Variants in AMPH observed in about 807,000 individuals in gnomAD.
AMPH encodes amphiphysin, also known as amphiphysin (Stiff-Mann syndrome with breast cancer 128kD autoantigen).
Under a neutral mutation model 99.1 loss-of-function variants are expected in AMPH, and 49 were observed. That is an observed-to-expected ratio of 0.49 (90% CI 0.39 to 0.63). AMPH has a LOEUF of 0.63. AMPH is among the 20% of genes least tolerant of loss of function. AMPH has a pLI of 0.00. For synonymous variants in AMPH, 314 were observed against 317.3 expected (o/e 0.99, Z 0.11); for missense variants, 759 against 863.4 (o/e 0.88, Z 1.52).
At chr7:38,610,485 A>T (rs1793645674) in intron 1 of AMPH, among the ~76,000 whole-genome samples, 1 of 151,762 alleles carries the variant, frequency 6.6e-6, no homozygotes, top group Non-Finnish European at 1.5e-5. Context: ...AATTTTGTTG[A>T]CATTTTATTC....
chr7:38,491,154 A>G lies in AMPH; in HGVS notation c.301-9T>C. 6.3e-7 allele frequency: 1 copy of G among 1,587,918 alleles called. No homozygotes were observed. Among genetic ancestry groups the G allele is most frequent in the Non-Finnish European group, 8.6e-7 (1 of 1,157,158 alleles). On this transcript the variant is annotated splice_polypyrimidine_tract_variant and intron_variant, in intron 4 of 20. Coordinates refer to ENST00000356264, the MANE Select transcript of AMPH (RefSeq NM_001635.4). ...CACAGCACATCACATTTCTAAAAGA[A>G]ATAAAGAGACCACTGCTGAATTATT...
chr7:38,626,583 A>AT (rs1457204445), intron 1 of AMPH, among the ~76,000 whole-genome samples: 2 of 152,230 alleles, frequency 1.3e-5, no homozygotes, highest in Non-Finnish European at 2.9e-5. Flanking sequence ...ACCTAAAACC[A>AT]TAAAAACCTT....
At chr7:38,477,093 G>T in intron 5 of AMPH, 124 bp from the exon 6 acceptor site, 1 of 721,872 alleles carries the variant, frequency 1.4e-6, no homozygotes, top group Non-Finnish European at 2.4e-6. Flanking sequence ...AGATCAAGAT[G>T]GGCTGGAGTT....
chr7:38,394,143 C>G lies in AMPH; in HGVS notation c.1470G>C (p.Glu490Asp). ...CAGTGGCCTTCTCCGCCTCTGCTTC[C>G]TCTCCTGGGGCCCCCTCAGCTGCTG... is the stretch of plus-strand genomic sequence containing the variant. ...LVSAAEGAPG[E>D]EAEAEKATVP... Residue 490 changes from glutamate to aspartate, a missense_variant, in exon 18 of 21, where the codon GAG (glutamate) becomes GAC (aspartate). Around this residue, in one of 2 missense-constraint regions of AMPH, gnomAD observed 554 missense variants for 575.6 expected, o/e 0.96. Transcript: ENST00000356264. 6.2e-7 allele frequency: 1 copy of G among 1,614,208 alleles called. No homozygotes were observed. Among genetic ancestry groups the G allele is most frequent in the Non-Finnish European group, 8.5e-7 (1 of 1,180,034 alleles).
At chr7:38,625,448 A>G (rs1277738959) in intron 1 of AMPH, among the ~76,000 whole-genome samples, 5 of 152,220 alleles carry the variant, frequency 3.3e-5, no homozygotes, top group Non-Finnish European at 7.3e-5. Flanking sequence ...AAAAAGCTGC[A>G]TGAAAAACTT....
At chr7:38,519,760 T>G (rs1789881740) in intron 2 of AMPH, among the ~76,000 whole-genome samples, 1 of 152,134 alleles carries the variant, frequency 6.6e-6, no homozygotes, top group African/African-American at 2.4e-5. Context: ...TGTCAGGCAT[T>G]CTCCAATGGA....
chr7:38,446,922 A>T (rs2129001358), intron 11 of AMPH, among the ~76,000 whole-genome samples: 1 of 152,332 alleles, frequency 6.6e-6, no homozygotes, highest in Non-Finnish European at 1.5e-5. Context: ...CTAAATTGAC[A>T]TGGAAATACT....
chr7:38,587,878 C>A (rs965282492), intron 1 of AMPH, among the ~76,000 whole-genome samples: 5 of 151,308 alleles, frequency 3.3e-5, no homozygotes, highest in African/African-American at 1.2e-4. Context: ...GGCTCCACAG[C>A]TTCAAAATGC....
intron 2 of AMPH, among the ~76,000 whole-genome samples, chr7:38,528,493 T>C (rs552397927): frequency 6.6e-6 from 1 of 152,312 alleles, no homozygotes; most frequent in East Asian, 1.9e-4. Context: ...ATTGATCCCC[T>C]GTGGTTGTCA....
At chr7:38,497,263 G>C (rs531516876) in intron 3 of AMPH, among the ~76,000 whole-genome samples, 4 of 152,000 alleles carry the variant, frequency 2.6e-5, no homozygotes, top group Non-Finnish European at 5.9e-5. Context: ...AGAGTAATTT[G>C]GAACATCAAA....
intron 2 of AMPH, among the ~76,000 whole-genome samples, chr7:38,520,513 T>C (rs1789918009): frequency 6.6e-6 from 1 of 152,202 alleles, no homozygotes; most frequent in Non-Finnish European, 1.5e-5. Context: ...TAGAAGCCAT[T>C]GAAGGTTTGT....
intron 11 of AMPH, among the ~76,000 whole-genome samples, chr7:38,444,965 G>T (rs1421602270): frequency 7.4e-6 from 1 of 136,020 alleles, no homozygotes; most frequent in Admixed American, 7.8e-5. Flanking sequence ...TAATCACATG[G>T]TCCAGAAATA....
intron 16 of AMPH, 52 bp from the exon 17 acceptor site, chr7:38,418,002 G>C: frequency 6.3e-7 from 1 of 1,587,108 alleles, no homozygotes; most frequent in Non-Finnish European, 8.6e-7. Flanking sequence ...CAGGTAAATA[G>C]ATAACATTAC....
intron 1 of AMPH, among the ~76,000 whole-genome samples, chr7:38,628,944 G>A (rs1443314710): frequency 1.3e-5 from 2 of 152,196 alleles, no homozygotes; most frequent in African/African-American, 2.4e-5. Context: ...ACATATGCAA[G>A]CTTTTAGGTG....
chr7:38,552,778 C>T (rs1361003219), intron 1 of AMPH, among the ~76,000 whole-genome samples: 2 of 152,200 alleles, frequency 1.3e-5, no homozygotes, highest in Non-Finnish European at 2.9e-5. Flanking sequence ...CCCTGTTCTG[C>T]CAAGTAGAAG....
intron 1 of AMPH, among the ~76,000 whole-genome samples, chr7:38,585,277 T>A (rs752185793): frequency 1.3e-5 from 2 of 152,124 alleles, no homozygotes; most frequent in African/African-American, 2.4e-5. Context: ...CAGACTCAGG[T>A]CTGACTCGAG....
intron 11 of AMPH, among the ~76,000 whole-genome samples, chr7:38,458,733 G>T (rs769037077): frequency 9.9e-5 from 15 of 152,064 alleles, no homozygotes; most frequent in Non-Finnish European, 1.5e-4. Flanking sequence ...GGCCATATAT[G>T]ACAAAAGCAC....
chr7:38,543,763 T>C (rs755226951), intron 1 of AMPH, among the ~76,000 whole-genome samples: 1 of 152,202 alleles, frequency 6.6e-6, no homozygotes, highest in East Asian at 1.9e-4. Context: ...CTTTCTGGAA[T>C]AGTGTTTCCC....
chr7:38,516,567 C>A (rs907569949), intron 2 of AMPH, among the ~76,000 whole-genome samples: 10 of 152,212 alleles, frequency 6.6e-5, no homozygotes, highest in African/African-American at 2.2e-4. Flanking sequence ...GCAAAGCTCT[C>A]ATGGAGAACC....
Sources: gnomAD v4.1 joint callset for allele counts (sites outside exome capture counted in the v4.1 genomes callset) on GRCh38, gnomAD v4.1.1 for gene constraint, gnomAD v4.1.1 regional missense constraint, MANE v1.5 for transcripts, NCBI Gene and HGNC (gene_info 2026-07-23, HGNC 2026-07-21) for gene names.